MGA: variants seen among roughly 807,000 people sequenced by gnomAD.
MGA encodes MAX gene-associated protein.
MGA carries 40 observed loss-of-function variants against 261.1 expected under a neutral mutation model. That is an observed-to-expected ratio of 0.15 (90% CI 0.12 to 0.20). The LOEUF is 0.20. MGA is among the 10% of genes least tolerant of loss of function. The pLI, the probability that MGA is intolerant of heterozygous loss-of-function variation, is 1.00. For synonymous variants in MGA, 1,302 were observed against 1,290.6 expected (o/e 1.01, Z -0.19); for missense variants, 3,397 against 3,630.5 (o/e 0.94, Z 1.65).
At chr15:41,712,943 T>C (rs1447732456) in intron 8 of MGA, among the ~76,000 whole-genome samples, 1 of 152,220 alleles carries the variant, frequency 6.6e-6, no homozygotes, top group East Asian at 1.9e-4. Context: ...TCCTTGATAG[T>C]TTTGCCCATA....
Position 41,754,462 on chromosome 15 carries a change from A to G in MGA, c.7034A>G (p.Asp2345Gly). 1 of 1,555,684 alleles carries G rather than the reference A, an allele frequency of 6.4e-7. No homozygotes were observed. The highest frequency in any genetic ancestry group is 1.2e-5 in the South Asian group (1 of 84,154). Reference sequence around the variant, plus strand: ...AATAACTGTGTAGAATACATTGAGGATGATGAGGAGCACGTGGACATTGAG... The same window carrying G: ...AATAACTGTGTAGAATACATTGAGGGTGATGAGGAGCACGTGGACATTGAG... Residue 2345 changes from aspartate to glycine, a missense_variant, in exon 18 of 24, where the codon GAT becomes GGT. Physicochemically the swap from Asp to Gly is moderately conservative, Grantham distance 94 (BLOSUM62 -1). Transcript: ENST00000219905.
chr15:41,702,294 G>A (rs1193594916), intron 5 of MGA, among the ~76,000 whole-genome samples: 1 of 148,230 alleles, frequency 6.7e-6, no homozygotes, highest in Non-Finnish European at 1.5e-5. Context: ...CCACACTCCA[G>A]CCTGGGCGAC....
chr15:41,630,756 G>A (rs2056571664), intron 1 of MGA, among the ~76,000 whole-genome samples: 1 of 152,104 alleles, frequency 6.6e-6, no homozygotes, highest in Admixed American at 6.6e-5. Context: ...TCAGTAGTCG[G>A]GAATTCTATT....
intron 2 of MGA, among the ~76,000 whole-genome samples, chr15:41,692,490 A>G (rs894295692): frequency 1.3e-5 from 2 of 152,216 alleles, no homozygotes; most frequent in African/African-American, 2.4e-5. Context: ...ATCTTCACAC[A>G]GTGCAAATGC....
At chr15:41,750,744 T>A in intron 17 of MGA, 129 bp downstream of exon 17, 2 of 810,002 alleles carry the variant, frequency 2.5e-6, no homozygotes, top group Non-Finnish European at 3.8e-6. Context: ...AGATTATGAC[T>A]TAAATGGCTT....
rs2063021722 is a variant in MGA, at chr15:41,754,367, C to A, written c.7009-70C>A. On this transcript the variant is annotated intron_variant, in intron 17 of 23. Transcript: ENST00000219905. ...GCATTAGTTGGTTTTATAAGGGGAA[C>A]AAACATTTGAAAAGTTTAGGTGTGC... 17 of 1,412,834 alleles carry A rather than the reference C, an allele frequency of 1.2e-5. No homozygotes were observed. In the South Asian group the frequency reaches 2.5e-4, roughly 21 times the overall value. The allele number at this position is 1,412,834 out of a possible 1,614,324, so 87.5% of individuals were successfully genotyped here. A position where few individuals can be genotyped will look rare whatever the true frequency, so the allele number is the denominator to read the frequency against.
intron 1 of MGA, among the ~76,000 whole-genome samples, chr15:41,650,629 G>C (rs2057023524): frequency 6.6e-6 from 1 of 151,932 alleles, no homozygotes; most frequent in Admixed American, 6.6e-5. Flanking sequence ...GTAGAGATAG[G>C]GTTTCACCAT....
intron 5 of MGA, among the ~76,000 whole-genome samples, chr15:41,703,426 G>GTC (rs980447989): frequency 9.1e-5 from 12 of 132,084 alleles, no homozygotes; most frequent in African/African-American, 3.5e-4. Context: ...TTGGAAGGAA[G>GTC]TCATTATGCT....
At chr15:41,692,555 C>T (rs1379726936) in intron 2 of MGA, among the ~76,000 whole-genome samples, 1 of 152,178 alleles carries the variant, frequency 6.6e-6, no homozygotes, top group Non-Finnish European at 1.5e-5. Context: ...GGCTGATCTT[C>T]TTCTGTAATT....
intron 2 of MGA, among the ~76,000 whole-genome samples, chr15:41,688,150 A>G (rs2059064753): frequency 1.3e-5 from 2 of 152,184 alleles, no homozygotes; most frequent in South Asian, 2.1e-4. Flanking sequence ...ATGTTGGCTC[A>G]CTGCAACATC....
At chr15:41,744,440 C>T (rs2062315016) in intron 15 of MGA, among the ~76,000 whole-genome samples, 1 of 152,104 alleles carries the variant, frequency 6.6e-6, no homozygotes, top group Non-Finnish European at 1.5e-5. Flanking sequence ...CCGTGATCTT[C>T]CCACCTTGGC....
At chr15:41,712,739 T>C (rs192594424) in intron 8 of MGA, among the ~76,000 whole-genome samples, 19 of 152,300 alleles carry the variant, frequency 1.2e-4, no homozygotes, top group Non-Finnish European at 2.2e-4. Context: ...TATTTAAGGC[T>C]TTGCAGACCA....
At position 41,669,807 on chromosome 15, in the gene MGA, G is replaced by C. The variant is rs760848313; in HGVS notation, c.913G>C (p.Gly305Arg). ...AGGTCAGGGGTCAGAGATACAACCA[G>C]GTGATTTGGATCCTTTGTCAAGGGG... The change falls in exon 2 of 24, where the codon GGT becomes CGT. Residue 305 changes from glycine to arginine, a missense_variant. Gly to Arg is a moderately radical substitution (Grantham distance 125). Coordinates refer to ENST00000219905, the MANE Select transcript of MGA (RefSeq NM_001164273.2). The C allele has an allele frequency of 1.2e-6, 2 of 1,613,880 alleles. No individual in the cohort carries two copies. Among genetic ancestry groups the C allele is most frequent in the Admixed American group, 1.7e-5 (1 of 60,000 alleles).
At chr15:41,710,526 C>G (rs1381681658) in intron 7 of MGA, among the ~76,000 whole-genome samples, 165 bp from the exon 8 acceptor site, 1 of 152,138 alleles carries the variant, frequency 6.6e-6, no homozygotes, top group Non-Finnish European at 1.5e-5. Flanking sequence ...TTCTTCCTGT[C>G]AAAGTACTGG....
chr15:41,674,228 G>A (rs973088164), intron 2 of MGA, among the ~76,000 whole-genome samples: 3 of 151,860 alleles, frequency 2.0e-5, no homozygotes, highest in Non-Finnish European at 4.4e-5. Flanking sequence ...ACAGAGTCTG[G>A]CTCTATTGCC....
intron 1 of MGA, among the ~76,000 whole-genome samples, chr15:41,650,293 T>C (rs1277117384): frequency 1.3e-5 from 2 of 152,228 alleles, no homozygotes; most frequent in Non-Finnish European, 2.9e-5. Context: ...TTTTTTGTCA[T>C]GTGCCTTTGC....
In MGA at chr15:41,711,185, C is replaced by G. The variant is rs773639704; in HGVS notation, c.2920C>G (p.Gln974Glu). ...AAAGCAGATTAGTTTGCGGCAGGCA[C>G]AGCAGCAGCAGCAACAGCAACAGGG... Residue 974 changes from glutamine (Q) to glutamate (E), a missense_variant, in exon 8 of 24, where the codon CAG becomes GAG. Transcript: ENST00000219905. 6.2e-7 allele frequency: 1 copy of G among 1,612,814 alleles called. No individual in the cohort carries two copies. Among genetic ancestry groups the G allele is most frequent in the Admixed American group, 1.7e-5 (1 of 59,966 alleles).
intron 5 of MGA, among the ~76,000 whole-genome samples, chr15:41,701,699 T>C (rs2059863017): frequency 6.6e-6 from 1 of 152,166 alleles, no homozygotes; most frequent in Non-Finnish European, 1.5e-5. Context: ...GGAGTGGCTA[T>C]GTGATGTCTC....
chr15:41,636,830 C>T (rs779311055), intron 1 of MGA, among the ~76,000 whole-genome samples: 1 of 152,068 alleles, frequency 6.6e-6, no homozygotes, highest in Non-Finnish European at 1.5e-5. Context: ...GGATTACAAG[C>T]GTGAGCCACC....
Sources: allele counts gnomAD v4.1 joint callset (sites outside exome capture counted in the v4.1 genomes callset), GRCh38; gene constraint gnomAD v4.1.1; transcripts MANE v1.5; gene names NCBI Gene and HGNC (gene_info 2026-07-23, HGNC 2026-07-21).